Variants in KSR1 observed in about 807,000 individuals in gnomAD.
KSR1 encodes the protein kinase suppressor of ras 1.
In KSR1, 35 loss-of-function variants were observed where a neutral mutation model predicts 92.9. That is an observed-to-expected ratio of 0.38 (90% CI 0.29 to 0.50). The LOEUF is 0.50. Ranked by LOEUF, KSR1 falls within the 20% of genes least tolerant of loss-of-function variation. KSR1 has a pLI of 0.94. For synonymous variants in KSR1, 467 were observed against 472.6 expected, an observed-to-expected ratio of 0.99 and a Z score of 0.15; for missense variants, 972 against 1,158.5, an observed-to-expected ratio of 0.84 and a Z score of 2.34.
chr17:27,530,452 A>T (rs1171079412), intron 1 of KSR1, among the ~76,000 whole-genome samples: 1 of 151,668 alleles, frequency 6.6e-6, no homozygotes, highest in East Asian at 1.9e-4. Context: ...CTCAAAAGAA[A>T]AAAAAAAGAC....
intron 20 of KSR1, 117 bp from the exon 21 acceptor site, chr17:27,623,197 A>G: frequency 1.4e-6 from 1 of 697,824 alleles, no homozygotes; most frequent in Non-Finnish European, 2.6e-6. Flanking sequence ...CCAATCAGTC[A>G]TTTTCATTTC....
chr17:27,532,732 T>G (rs2070590727), intron 1 of KSR1, among the ~76,000 whole-genome samples: 1 of 152,152 alleles, frequency 6.6e-6, no homozygotes, highest in African/African-American at 2.4e-5. Flanking sequence ...TCCAACAGGC[T>G]TTCTGGAAGG....
chr17:27,617,178 G>A (rs1372930684), intron 18 of KSR1, 117 bp from the exon 19 acceptor site: 17 of 1,135,456 alleles, frequency 1.5e-5, no homozygotes, highest in South Asian at 2.2e-5. Context: ...GTGTTCAGGG[G>A]GCCGCCAGTT....
Position 27,605,750 on chromosome 17 carries a change from A to G in KSR1, c.1931A>G (p.His644Arg). ...GTGATGAACTACCGGCAGACGCGGC[A>G]TGAGAACGTGGTGCTCTTCATGGGG... is the stretch of plus-strand genomic sequence containing the variant. ...KEVMNYRQTR[H>R]ENVVLFMGAC... Residue 644 changes from histidine (H) to arginine (R), a missense_variant, in exon 14 of 21, where the codon CAT becomes CGT. Coordinates refer to ENST00000644974, the MANE Select transcript of KSR1 (RefSeq NM_001394583.1). 6.2e-7 allele frequency: 1 copy of G among 1,612,834 alleles called. No individual in the cohort carries two copies. Among genetic ancestry groups the G allele is most frequent in the Non-Finnish European group, 8.5e-7 (1 of 1,179,844 alleles).
intron 1 of KSR1, among the ~76,000 whole-genome samples, chr17:27,506,592 G>A (rs1363130916): frequency 6.6e-6 from 1 of 152,190 alleles, no homozygotes; most frequent in Non-Finnish European, 1.5e-5. Flanking sequence ...GCCGGCAGCT[G>A]GGAGTCCCCT....
chr17:27,572,789 T>A (rs1567841109), intron 2 of KSR1, among the ~76,000 whole-genome samples: 1 of 152,136 alleles, frequency 6.6e-6, no homozygotes, highest in Non-Finnish European at 1.5e-5. Context: ...GGTGGGCGAG[T>A]CACATCCATG....
chr17:27,620,319 A>G (rs987771940), intron 19 of KSR1, among the ~76,000 whole-genome samples: 3 of 152,184 alleles, frequency 2.0e-5, no homozygotes, highest in Non-Finnish European at 4.4e-5. Context: ...CACCTGCCGC[A>G]TTGCTACACA....
rs77808073 is a variant in KSR1, at chr17:27,456,869, C to G, written c.226C>G (p.Leu76Val). ...CCTCACCCAGCAGGAGATACGGACC[C>G]TGGAGGTAAGTGGGTCGGGGACCAG... The part of the protein sequence containing the change: ...NDLTQQEIRT[L>V]EAKLVRYICK... The change falls in exon 1 of 21, where the codon CTG becomes GTG. Residue 76 changes from leucine to valine, a missense_variant. Physicochemically the swap from Leu to Val is conservative, Grantham distance 32. Transcript: ENST00000644974. The G allele has an allele frequency of 1.1e-5, 10 of 943,886 alleles. No homozygotes were observed. Among genetic ancestry groups the G allele is most frequent in the Non-Finnish European group, 1.7e-5 (10 of 584,158 alleles). 58.5% of individuals were successfully genotyped at this position (943,886 alleles called of 1,614,324 possible).
rs140764960 is a variant in KSR1 at position 27,597,379 on chromosome 17, G to A, written c.1411G>A (p.Ala471Thr). ...CCCGACATCATCCAACCCATCCAGC[G>A]CCACCACGCCCCCCAACCCCTCACC... is the stretch of plus-strand genomic sequence containing the variant. ...PFPTSSNPSS[A>T]TTPPNPSPGQ... The change falls in exon 10 of 21, where the codon GCC (alanine) becomes ACC (threonine). Residue 471 changes from alanine (A) to threonine (T), a missense_variant. This residue lies in a region of KSR1 where 611 missense variants were observed against 668.0 expected (regional missense o/e 0.91). Coordinates refer to ENST00000644974, the MANE Select transcript of KSR1 (RefSeq NM_001394583.1). 88 of 1,613,424 alleles carry A rather than the reference G, an allele frequency of 5.5e-5. No individual in the cohort carries two copies. Among genetic ancestry groups the A allele is most frequent in the Middle Eastern group, 1.7e-4 (1 of 6,058 alleles).
intron 11 of KSR1, among the ~76,000 whole-genome samples, chr17:27,601,684 TAGGAGATGGCAGA>T (rs2073563872): frequency 6.6e-6 from 1 of 152,190 alleles, no homozygotes; most frequent in Non-Finnish European, 1.5e-5. Flanking sequence ...GTCACACTGC[TAGGAGATGGCAGA>T]AGGACTAGAA....
At chr17:27,513,573 G>A (rs978802497) in intron 1 of KSR1, among the ~76,000 whole-genome samples, 3 of 152,324 alleles carry the variant, frequency 2.0e-5, no homozygotes, top group East Asian at 3.9e-4. Context: ...CTTGTAAGCC[G>A]ATGGGGAGAG....
intron 1 of KSR1, among the ~76,000 whole-genome samples, chr17:27,529,798 T>G (rs2070462454): frequency 6.6e-6 from 1 of 152,210 alleles, no homozygotes; most frequent in Admixed American, 6.5e-5. Context: ...ACCCGTCTTT[T>G]CTCTGAAGCT....
intron 14 of KSR1, among the ~76,000 whole-genome samples, chr17:27,606,153 C>T (rs2073745907): frequency 6.6e-6 from 1 of 152,034 alleles, no homozygotes. Context: ...GGTGCCTGTG[C>T]CTGTGGTCTC....
At chr17:27,511,034 G>T (rs961112424) in intron 1 of KSR1, among the ~76,000 whole-genome samples, 22 of 152,168 alleles carry the variant, frequency 1.4e-4, no homozygotes, top group Non-Finnish European at 2.6e-4. Flanking sequence ...GCCTGCCTGT[G>T]CACACTGCAC....
At chr17:27,564,057 C>T (rs989065747) in intron 2 of KSR1, among the ~76,000 whole-genome samples, 7 of 123,664 alleles carry the variant, frequency 5.7e-5, no homozygotes, top group East Asian at 5.4e-4. Context: ...GGCACGATCT[C>T]GGCTCACTGC....
intron 1 of KSR1, among the ~76,000 whole-genome samples, chr17:27,469,699 T>C (rs567337912): frequency 6.6e-6 from 1 of 152,264 alleles, no homozygotes; most frequent in African/African-American, 2.4e-5. Context: ...TTTCCCCCAC[T>C]GTCCCCCGCC....
rs2074287399 is a variant in KSR1 at position 27,623,876 on chromosome 17, C to A, written c.*484C>A. 2.2e-6 allele frequency: 1 copy of A among 454,880 alleles called. No individual in the cohort carries two copies. The highest frequency in any genetic ancestry group is 3.7e-5 in the East Asian group (1 of 26,876). The allele number at this position is 454,880 out of a possible 1,614,324, so 28.2% of individuals were successfully genotyped here. A position where few individuals can be genotyped will look rare whatever the true frequency, so the allele number is the denominator to read the frequency against. ...TCTGCTTTTTGGCCCAAGACTCCAT[C>A]AGGGAAATCTATCTAGGGCTCTCCC... On this transcript the variant is annotated 3_prime_UTR_variant, in exon 21 of 21. Coordinates refer to ENST00000644974, the MANE Select transcript of KSR1 (RefSeq NM_001394583.1).
intron 1 of KSR1, among the ~76,000 whole-genome samples, chr17:27,512,881 A>C (rs532356485): frequency 6.6e-6 from 1 of 152,352 alleles, no homozygotes; most frequent in Non-Finnish European, 1.5e-5. Flanking sequence ...GAATTATCAC[A>C]AAGTGAGTAC....
intron 1 of KSR1, among the ~76,000 whole-genome samples, chr17:27,529,568 CTCTGCCAATGT>C (rs2070455621): frequency 6.6e-6 from 1 of 152,246 alleles, no homozygotes; most frequent in African/African-American, 2.4e-5. Flanking sequence ...TGGGGAGTCC[CTCTGCCAATGT>C]TGCCAAACAT....
Sources: allele counts gnomAD v4.1 joint callset (sites outside exome capture counted in the v4.1 genomes callset), GRCh38; gene constraint gnomAD v4.1.1; regional missense constraint gnomAD v4.1.1; transcripts MANE v1.5; gene names NCBI Gene and HGNC (gene_info 2026-07-23, HGNC 2026-07-21).